Variants in ARHGAP28 observed in about 807,000 individuals in gnomAD.
ARHGAP28 encodes Rho GTPase activating protein 28.
In ARHGAP28, 56 loss-of-function variants were observed where a neutral mutation model predicts 90.7. The ratio of observed to expected loss-of-function variants is 0.62; its 90% confidence interval spans 0.50 to 0.77. The LOEUF (loss-of-function observed/expected upper bound fraction) is 0.77, where lower values mean the gene tolerates loss of function less well. ARHGAP28 is among the 30% of genes least tolerant of loss of function. ARHGAP28 has a pLI of 0.00. For missense variants in ARHGAP28, 869 were observed against 900.9 expected, an observed-to-expected ratio of 0.96 and a Z score of 0.45; for synonymous variants, 308 against 323.3, an observed-to-expected ratio of 0.95 and a Z score of 0.51.
At chr18:6,875,127 G>T (rs1320839619) in intron 9 of ARHGAP28, 1 of 152,188 alleles carries the variant, frequency 6.6e-6, no homozygotes, top group Non-Finnish European at 1.5e-5. Context: ...ATAGTACTGT[G>T]TAGGTACAAA....
intron 3 of ARHGAP28, among the ~76,000 whole-genome samples, chr18:6,849,758 T>G (rs1019627221): frequency 2.0e-5 from 3 of 152,182 alleles, no homozygotes; most frequent in African/African-American, 7.2e-5. Flanking sequence ...CATTTTTATA[T>G]TTCTGGAAAC....
At chr18:6,909,449 C>T (rs913512266) in intron 17 of ARHGAP28, among the ~76,000 whole-genome samples, 6 of 151,694 alleles carry the variant, frequency 4.0e-5, no homozygotes, top group Non-Finnish European at 8.8e-5. Flanking sequence ...CCCGCCACCA[C>T]GCCCAGACAA....
intron 2 of ARHGAP28, among the ~76,000 whole-genome samples, chr18:6,836,721 G>A (rs147992573): frequency 1.3e-5 from 2 of 152,194 alleles, no homozygotes; most frequent in Admixed American, 1.3e-4. Flanking sequence ...AACTATAGAG[G>A]TTCACTATAC....
At chr18:6,862,910 G>A (rs1024628005) in intron 5 of ARHGAP28, among the ~76,000 whole-genome samples, 6 of 152,076 alleles carry the variant, frequency 3.9e-5, no homozygotes, top group Admixed American at 3.9e-4. Context: ...TATTTAAACC[G>A]TAAGATTTTT....
intron 1 of ARHGAP28, among the ~76,000 whole-genome samples, chr18:6,756,659 G>A (rs1176696473): frequency 6.6e-6 from 1 of 152,172 alleles, no homozygotes; most frequent in African/African-American, 2.4e-5. Flanking sequence ...ATCACAAGGT[G>A]AAATACCATG....
intron 1 of ARHGAP28, among the ~76,000 whole-genome samples, chr18:6,771,295 T>A (rs992891685): frequency 2.0e-5 from 3 of 152,146 alleles, no homozygotes; most frequent in African/African-American, 4.8e-5. Flanking sequence ...TCCCCCTGCC[T>A]CAGCCTCCTA....
intron 1 of ARHGAP28, among the ~76,000 whole-genome samples, chr18:6,731,354 C>T (rs762062019): frequency 1.3e-5 from 2 of 151,852 alleles, no homozygotes; most frequent in African/African-American, 4.8e-5. Context: ...ATTTCTTAAA[C>T]GGTTCTAGTG....
intron 11 of ARHGAP28, among the ~76,000 whole-genome samples, chr18:6,883,538 C>T (rs188090420): frequency 7.2e-5 from 11 of 152,088 alleles, no homozygotes; most frequent in African/African-American, 2.4e-4. Context: ...ACACCTGGCC[C>T]AGCCACTAAT....
chr18:6,844,427 T>C (rs906426947), intron 3 of ARHGAP28, among the ~76,000 whole-genome samples: 1 of 152,118 alleles, frequency 6.6e-6, no homozygotes, highest in African/African-American at 2.4e-5. Context: ...CAGAGAATAG[T>C]GTCTATTAAT....
At chr18:6,798,092 G>T (rs1484165447) in intron 1 of ARHGAP28, among the ~76,000 whole-genome samples, 3 of 152,076 alleles carry the variant, frequency 2.0e-5, no homozygotes, top group Non-Finnish European at 2.9e-5. Context: ...AAAAGGAAAA[G>T]ACTCTTTTCA....
intron 16 of ARHGAP28, among the ~76,000 whole-genome samples, chr18:6,907,899 A>C (rs932731166): frequency 6.6e-6 from 1 of 152,098 alleles, no homozygotes; most frequent in Non-Finnish European, 1.5e-5. Context: ...TTAAACAAAA[A>C]ACAACAACAA....
intron 3 of ARHGAP28, 79 bp from the exon 4 acceptor site, chr18:6,850,955 A>G: frequency 6.3e-7 from 1 of 1,577,710 alleles, no homozygotes; most frequent in Non-Finnish European, 8.7e-7. Flanking sequence ...TAAAAACTCT[A>G]GTGTAATGCA....
At chr18:6,826,901 T>C (rs9958278) in intron 2 of ARHGAP28, among the ~76,000 whole-genome samples, 8 of 151,988 alleles carry the variant, frequency 5.3e-5, no homozygotes, top group Non-Finnish European at 1.2e-4. Flanking sequence ...CAACGAGCAC[T>C]CTGCCTTCAA....
At chr18:6,885,807 T>G (rs1412390627) in intron 11 of ARHGAP28, among the ~76,000 whole-genome samples, 2 of 150,962 alleles carry the variant, frequency 1.3e-5, no homozygotes, top group East Asian at 3.9e-4. Flanking sequence ...GAGTTGTTTT[T>G]TTTTTTTTTT....
At chr18:6,888,472 A>G (rs1484102001) in intron 12 of ARHGAP28, among the ~76,000 whole-genome samples, 2 of 152,184 alleles carry the variant, frequency 1.3e-5, no homozygotes, top group Non-Finnish European at 2.9e-5. Context: ...CACAGCGAAA[A>G]TATCTATGTC....
chr18:6,877,776 A>G (rs989219937), intron 10 of ARHGAP28, among the ~76,000 whole-genome samples: 7 of 152,308 alleles, frequency 4.6e-5, no homozygotes, highest in East Asian at 1.9e-4. Context: ...AAAAAAATGT[A>G]TCCTACAAGT....
At chr18:6,830,105 TG>T (rs1247065494) in intron 2 of ARHGAP28, among the ~76,000 whole-genome samples, 2 of 152,206 alleles carry the variant, frequency 1.3e-5, no homozygotes, top group Admixed American at 1.3e-4. Context: ...CCAGTTATGT[TG>T]GATTAAGGGC....
chr18:6,774,187 G>A (rs2056265568), intron 1 of ARHGAP28: 1 of 152,108 alleles, frequency 6.6e-6, no homozygotes, highest in African/African-American at 2.4e-5. Context: ...GGGGTTTTGT[G>A]GGTCTTCCTC....
chr18:6,780,320 A>C (rs2056314302), intron 1 of ARHGAP28, among the ~76,000 whole-genome samples: 1 of 152,226 alleles, frequency 6.6e-6, no homozygotes, highest in Non-Finnish European at 1.5e-5. Flanking sequence ...AATAAAAACT[A>C]ACTACGACAA....
Sources: gnomAD v4.1 joint callset for allele counts (sites outside exome capture counted in the v4.1 genomes callset) on GRCh38, gnomAD v4.1.1 for gene constraint, MANE v1.5 for transcripts, NCBI Gene and HGNC (gene_info 2026-07-23, HGNC 2026-07-21) for gene names.